The following DPP6 variants were observed in gnomAD, a reference collection of about 807,000 sequenced individuals.
The protein encoded by DPP6 is A-type potassium channel modulatory protein DPP6.
In DPP6, 69 loss-of-function variants were observed where a neutral mutation model predicts 122.6. The ratio of observed to expected loss-of-function variants is 0.56; its 90% CI spans 0.46 to 0.69. The LOEUF (loss-of-function observed/expected upper bound fraction) is 0.69, where lower values mean the gene tolerates loss of function less well. DPP6 is among the 30% of genes least tolerant of loss of function. The pLI, the probability that DPP6 is intolerant of heterozygous loss-of-function variation, is 0.00. For synonymous variants in DPP6, 418 were observed against 433.1 expected, an observed-to-expected ratio of 0.97 and a Z score of 0.43; for missense variants, 928 against 1,116.9, an observed-to-expected ratio of 0.83 and a Z score of 2.41.
At chr7:154,847,072 G>C (rs1461623050) in intron 16 of DPP6, among the ~76,000 whole-genome samples, 1 of 152,144 alleles carries the variant, frequency 6.6e-6, no homozygotes, top group East Asian at 1.9e-4. Context: ...TTGTGCACAG[G>C]TGCAGAGGAT....
chr7:154,049,597 T>TTTA (rs1329847949), upstream of DPP6, among the ~76,000 whole-genome samples: 4 of 143,026 alleles, frequency 2.8e-5, no homozygotes, highest in African/African-American at 1.0e-4. Flanking sequence ...TTTATTTATT[T>TTTA]ATTTATTTAG....
At chr7:154,203,169 A>C (rs1002911525) in intron 1 of DPP6, among the ~76,000 whole-genome samples, 1 of 152,198 alleles carries the variant, frequency 6.6e-6, no homozygotes, top group Non-Finnish European at 1.5e-5. Flanking sequence ...AATGAGCTAA[A>C]GTTAGCTCAT....
intron 6 of DPP6, among the ~76,000 whole-genome samples, chr7:154,660,713 A>G (rs1293563565): frequency 2.1e-5 from 2 of 96,070 alleles, no homozygotes; most frequent in Non-Finnish European, 4.2e-5. Context: ...TATTGGCGCT[A>G]GTATTCATAT....
At chr7:154,744,276 C>G (rs576943530) in intron 8 of DPP6, among the ~76,000 whole-genome samples, 1 of 152,300 alleles carries the variant, frequency 6.6e-6, no homozygotes, top group South Asian at 2.1e-4. Context: ...ATTGATCTCT[C>G]AGAGCACTTG....
intron 10 of DPP6, among the ~76,000 whole-genome samples, chr7:154,793,214 G>C (rs1182643004): frequency 6.6e-6 from 1 of 152,210 alleles, no homozygotes. Context: ...ATTATAGATA[G>C]AGAAGGGGTG....
chr7:154,111,484 G>A (rs1487551203), intron 1 of DPP6, among the ~76,000 whole-genome samples: 1 of 152,284 alleles, frequency 6.6e-6, no homozygotes, highest in East Asian at 1.9e-4. Context: ...TCCTATCACC[G>A]GTGTGGGTAC....
the DPP6 span, among the ~76,000 whole-genome samples, chr7:153,783,115 A>C: frequency 6.6e-6 from 1 of 152,222 alleles, no homozygotes; most frequent in African/African-American, 2.4e-5. Flanking sequence ...GCCAGTGTAA[A>C]GTGTAGTATG....
intron 1 of DPP6, among the ~76,000 whole-genome samples, chr7:154,089,435 A>G (rs1340925603): frequency 7.6e-6 from 1 of 131,728 alleles, no homozygotes; most frequent in Non-Finnish European, 1.6e-5. Context: ...TTCTAACTTA[A>G]TGGCTTTGCT....
intron 7 of DPP6, among the ~76,000 whole-genome samples, chr7:154,719,239 T>G (rs1841670065): frequency 6.6e-6 from 1 of 152,154 alleles, no homozygotes; most frequent in South Asian, 2.1e-4. Flanking sequence ...CGGGCTTGTC[T>G]TGGTTACATC....
At chr7:154,516,864 G>A (rs939272711) in intron 3 of DPP6, among the ~76,000 whole-genome samples, 5 of 152,202 alleles carry the variant, frequency 3.3e-5, no homozygotes, top group African/African-American at 7.2e-5. Context: ...TCTAGCACTT[G>A]TGTGTGTTTT....
intron 1 of DPP6, among the ~76,000 whole-genome samples, chr7:153,915,500 T>A (rs1164644350): frequency 6.6e-6 from 1 of 152,220 alleles, no homozygotes; most frequent in African/African-American, 2.4e-5. Flanking sequence ...ATCATCTTTT[T>A]AAGAATAGTT....
At chr7:154,055,985 A>G in intron 1 of DPP6, 1 of 152,224 alleles carries the variant, frequency 6.6e-6, no homozygotes. Context: ...TACATGCCTG[A>G]GCATGACTGA....
chr7:154,105,154 C>T (rs892833522), intron 1 of DPP6, among the ~76,000 whole-genome samples: 1 of 152,178 alleles, frequency 6.6e-6, no homozygotes, highest in Non-Finnish European at 1.5e-5. Flanking sequence ...AACATAAGAT[C>T]GAATTTGACT....
At chr7:153,757,951 G>GTC in the DPP6 span, among the ~76,000 whole-genome samples, 1 of 152,142 alleles carries the variant, frequency 6.6e-6, no homozygotes, top group Non-Finnish European at 1.5e-5. Flanking sequence ...AGAATGAGAT[G>GTC]TTGTCTCAAA....
At chr7:154,543,135 G>T (rs976831132) in intron 4 of DPP6, among the ~76,000 whole-genome samples, 8 of 152,162 alleles carry the variant, frequency 5.3e-5, no homozygotes, top group African/African-American at 1.9e-4. Flanking sequence ...GACTGATCAG[G>T]TGTTCTCTTC....
intron 19 of DPP6, among the ~76,000 whole-genome samples, chr7:154,874,137 T>TGTGCACACACACCACACAC (rs1439601864): frequency 7.0e-6 from 1 of 143,508 alleles, no homozygotes; most frequent in East Asian, 2.5e-4. Context: ...ACCCCACACA[T>TGTGCACACACACCACACAC]GTGCACACAC....
At chr7:154,600,950 G>A (rs1283165608) in intron 5 of DPP6, among the ~76,000 whole-genome samples, 2 of 119,842 alleles carry the variant, frequency 1.7e-5, no homozygotes, top group Non-Finnish European at 3.8e-5. Flanking sequence ...AATTTGCCAG[G>A]CGTGGTGGTA....
the DPP6 span, among the ~76,000 whole-genome samples, chr7:153,827,531 C>T: frequency 6.6e-6 from 1 of 152,102 alleles, no homozygotes; most frequent in Non-Finnish European, 1.5e-5. Context: ...TGCCTTATAT[C>T]TCCAGACTAG....
chr7:154,388,780 A>C (rs994390673), intron 1 of DPP6, among the ~76,000 whole-genome samples: 16 of 152,180 alleles, frequency 1.1e-4, no homozygotes, highest in African/African-American at 3.9e-4. Context: ...CTGTGGGTTT[A>C]TGCCTGGTAA....
Sources: gnomAD v4.1 joint callset for allele counts (sites outside exome capture counted in the v4.1 genomes callset) on GRCh38, gnomAD v4.1.1 for gene constraint, MANE v1.5 for transcripts, NCBI Gene and HGNC (gene_info 2026-07-23, HGNC 2026-07-21) for gene names.